ARHGAP31: variants seen among roughly 807,000 people sequenced by gnomAD.
ARHGAP31 encodes Rho GTPase activating protein 31, also known as rho GTPase-activating protein 31.
ARHGAP31 carries 34 observed loss-of-function variants against 113.9 expected under a neutral mutation model. The observed-to-expected ratio is 0.30, with a 90% CI of 0.23 to 0.40. The LOEUF is 0.40. Among genes scored for constraint, ARHGAP31 ranks in the 10% least tolerant of loss-of-function variants. The pLI is 1.00. For missense variants in ARHGAP31, 1,548 were observed against 1,767.1 expected, an observed-to-expected ratio of 0.88 and a Z score of 2.22; for synonymous variants, 650 against 684.8, an observed-to-expected ratio of 0.95 and a Z score of 0.79.
intron 5 of ARHGAP31, 117 bp from the exon 6 acceptor site, chr3:119,382,967 T>A: frequency 7.6e-7 from 1 of 1,321,168 alleles, no homozygotes; most frequent in Non-Finnish European, 1.1e-6. Flanking sequence ...ATTAAAATAT[T>A]CTATGAACTG....
At chr3:119,308,896 A>G (rs1559961869) in intron 1 of ARHGAP31, among the ~76,000 whole-genome samples, 1 of 152,142 alleles carries the variant, frequency 6.6e-6, no homozygotes, top group Non-Finnish European at 1.5e-5. Context: ...GCTGGAGTGC[A>G]GTGGTACAAT....
At chr3:119,312,097 G>A (rs1039084020) in intron 1 of ARHGAP31, among the ~76,000 whole-genome samples, 2 of 152,248 alleles carry the variant, frequency 1.3e-5, no homozygotes, top group African/African-American at 4.8e-5. Flanking sequence ...AGAGAGTGGT[G>A]AAGACAAATG....
chr3:119,390,299 G>A (rs544054364), intron 6 of ARHGAP31, among the ~76,000 whole-genome samples: 1 of 152,250 alleles, frequency 6.6e-6, no homozygotes, highest in Admixed American at 6.5e-5. Context: ...GAAAAGTAGA[G>A]GTTCTAACTT....
At chr3:119,348,366 G>A (rs2080080351) in intron 1 of ARHGAP31, among the ~76,000 whole-genome samples, 2 of 152,106 alleles carry the variant, frequency 1.3e-5, no homozygotes, top group Middle Eastern at 3.4e-3. Context: ...TGTCTTCCAC[G>A]AAACCGGTCC....
chr3:119,298,565 G>C (rs115180708), intron 1 of ARHGAP31: 10 of 152,114 alleles, frequency 6.6e-5, no homozygotes, highest in African/African-American at 2.4e-4. Flanking sequence ...TCTTCCTCTG[G>C]GTTGGCTTTA....
Position 119,415,289 on chromosome 3 carries a change from GT to G in ARHGAP31, c.3363del (p.Phe1121LeufsTer25). The G allele has an allele frequency of 6.2e-7, 1 of 1,614,190 alleles. No individual in the cohort carries two copies. Among genetic ancestry groups the G allele is most frequent in the Non-Finnish European group, 8.5e-7 (1 of 1,180,038 alleles). Reference sequence around the variant, plus strand: ...CCATTCCCATTGCTGACCTCTTCTGGTTTGAGAATGTGGCCTCATTTAGTTC... The same window carrying G: ...CCATTCCCATTGCTGACCTCTTCTGGTTGAGAATGTGGCCTCATTTAGTTC... ...PAIPIADLFW[F>X]ENVASFSSPG... On this transcript the variant is annotated frameshift_variant, in exon 12 of 12. Transcript: ENST00000264245. LOFTEE classifies it high-confidence loss of function.
At chr3:119,375,208 A>T (rs1184106758) in intron 3 of ARHGAP31, among the ~76,000 whole-genome samples, 2 of 152,246 alleles carry the variant, frequency 1.3e-5, no homozygotes, top group East Asian at 3.8e-4. Context: ...ATTGCCTCAC[A>T]GGTCTGGAGG....
chr3:119,306,281 G>A (rs559979364), intron 1 of ARHGAP31, among the ~76,000 whole-genome samples: 1 of 152,278 alleles, frequency 6.6e-6, no homozygotes, highest in African/African-American at 2.4e-5. Flanking sequence ...GGGGCCGGGT[G>A]TGGTGGCTCA....
chr3:119,355,927 A>G (rs2080153121), intron 1 of ARHGAP31, among the ~76,000 whole-genome samples: 1 of 152,170 alleles, frequency 6.6e-6, no homozygotes, highest in African/African-American at 2.4e-5. Context: ...GCTATTGTGA[A>G]TAGAGAGTAC....
Position 119,415,430 on chromosome 3 carries a change from T to C in ARHGAP31, c.3501T>C (p.Ile1167=). ...VYSQDPQDLD[I]VAHALTGRRN... is the part of the protein sequence containing the mutation. ...CCCAGGACCCCCAGGACCTGGACAT[T>C]GTTGCTCATGCACTGACAGGCCGCC... The change falls in exon 12 of 12, where the codon ATT becomes ATC. Residue 1167 remains isoleucine (I), a synonymous_variant. Transcript: ENST00000264245. 1 of 1,614,014 alleles carries C rather than the reference T, an allele frequency of 6.2e-7. No individual in the cohort carries two copies. The highest frequency in any genetic ancestry group is 8.5e-7 in the Non-Finnish European group (1 of 1,180,018).
intron 1 of ARHGAP31, among the ~76,000 whole-genome samples, chr3:119,331,362 T>C (rs1391872671): frequency 6.6e-6 from 1 of 152,188 alleles, no homozygotes; most frequent in African/African-American, 2.4e-5. Context: ...AGAGTATATG[T>C]TCTGAACAAT....
intron 3 of ARHGAP31, among the ~76,000 whole-genome samples, chr3:119,380,506 C>T (rs1300029029): frequency 1.3e-5 from 2 of 152,146 alleles, no homozygotes; most frequent in African/African-American, 4.8e-5. Flanking sequence ...CCACCTCAGC[C>T]TCCTGAGTAG....
chr3:119,382,708 T>C (rs1330144977), intron 5 of ARHGAP31, among the ~76,000 whole-genome samples: 2 of 152,218 alleles, frequency 1.3e-5, no homozygotes, highest in African/African-American at 4.8e-5. Context: ...TGCCTTGTTT[T>C]GGTGGAGTCA....
Position 119,416,280 on chromosome 3 carries a change from T to C in ARHGAP31, c.*16T>C. 1 of 1,612,386 alleles carries C rather than the reference T, an allele frequency of 6.2e-7. No homozygotes were observed. Among genetic ancestry groups the C allele is most frequent in the Non-Finnish European group, 8.5e-7 (1 of 1,180,026 alleles). The stretch of plus-strand genomic sequence containing the variant: ...AATAGAATGATTTCGGTTCACCTGC[T>C]GGTGTCTGAAAAAAACCGTGATTCA... On this transcript the variant is annotated 3_prime_UTR_variant, in exon 12 of 12. Coordinates refer to ENST00000264245, the MANE Select transcript of ARHGAP31 (RefSeq NM_020754.4).
At position 119,415,988 on chromosome 3, in the gene ARHGAP31, T is replaced by C; in HGVS notation, c.4059T>C (p.Pro1353=). 1.9e-6 allele frequency: 3 copies of C among 1,614,174 alleles called. No individual in the cohort carries two copies. The South Asian group carries it at 3.3e-5, about 18-fold the overall frequency. Residue 1353 remains proline, a synonymous_variant, in exon 12 of 12, where the codon CCT becomes CCC. Transcript: ENST00000264245. The part of the protein sequence containing the change: ...RPQSLILFSP[P]FPIMDHLPPS... Reference sequence around the variant, plus strand: ...AGAGCCTAATCTTATTCAGTCCTCCTTTCCCCATTATGGACCACCTGCCCC... The same window carrying C: ...AGAGCCTAATCTTATTCAGTCCTCCCTTCCCCATTATGGACCACCTGCCCC...
intron 8 of ARHGAP31, among the ~76,000 whole-genome samples, chr3:119,394,095 C>G (rs767834069): frequency 1.6e-4 from 24 of 152,166 alleles, no homozygotes; most frequent in Non-Finnish European, 2.8e-4. Context: ...AGTGTTTTCT[C>G]ATGGTTAAAC....
chr3:119,367,687 T>A (rs2080261357), intron 2 of ARHGAP31, among the ~76,000 whole-genome samples: 1 of 151,910 alleles, frequency 6.6e-6, no homozygotes, highest in South Asian at 2.1e-4. Context: ...TGAAACCCCA[T>A]CTGCACTAAA....
At position 119,415,074 on chromosome 3, in the gene ARHGAP31, CACCT is replaced by C. The variant is rs1377772524; in HGVS notation, c.3146_3149del (p.His1049ArgfsTer41). 4 of 1,613,046 alleles carry C rather than the reference CACCT, an allele frequency of 2.5e-6. No individual in the cohort carries two copies. Among genetic ancestry groups the C allele is most frequent in the Non-Finnish European group, 3.4e-6 (4 of 1,178,936 alleles). ...AGCAGAGGGAAAGGAGCTAGGGACA[CACCT>C]GGGGCACAGCAGTCCACAGATTAGG... On this transcript the variant is annotated frameshift_variant, in exon 12 of 12. Transcript: ENST00000264245. LOFTEE classifies it high-confidence loss of function.
chr3:119,409,036 G>A (rs58936172), intron 10 of ARHGAP31, among the ~76,000 whole-genome samples: 51,993 of 151,940 alleles, frequency 0.34, 9,181 homozygotes, highest in South Asian at 0.43. Context: ...GCTAGAGCAC[G>A]GTGTCTCAAC....
Sources: gnomAD v4.1 joint callset for allele counts (sites outside exome capture counted in the v4.1 genomes callset) on GRCh38, gnomAD v4.1.1 for gene constraint, MANE v1.5 for transcripts, NCBI Gene and HGNC (gene_info 2026-07-23, HGNC 2026-07-21) for gene names.